SYTL5: variants seen among roughly 807,000 people sequenced by gnomAD.
The protein encoded by SYTL5 is synaptotagmin-like protein 5.
In SYTL5, 34 loss-of-function variants were observed where a neutral mutation model predicts 55.9. The observed-to-expected ratio is 0.61, with a 90% CI of 0.46 to 0.81. SYTL5 has a LOEUF of 0.81. Ranked by LOEUF, SYTL5 falls within the 30% of genes least tolerant of loss-of-function variation. The pLI is 0.00. For missense variants in SYTL5, 637 were observed against 546.7 expected, an observed-to-expected ratio of 1.17 and a Z score of -1.65; for synonymous variants, 221 against 188.7, an observed-to-expected ratio of 1.17 and a Z score of -1.40.
the SYTL5 span, among the ~76,000 whole-genome samples, chrX:37,979,551 A>T: frequency 1.0e-5 from 1 of 96,964 alleles, no homozygotes; most frequent in East Asian, 3.2e-4. Flanking sequence ...TATCTTTCTG[A>T]CTCTGGAATT....
intron 2 of SYTL5, among the ~76,000 whole-genome samples, chrX:38,042,956 T>C (rs945509168): frequency 8.9e-6 from 1 of 112,049 alleles, no homozygotes; most frequent in Admixed American, 9.5e-5. Flanking sequence ...TATAAGAATG[T>C]TCCTATGTTA....
chrX:37,937,106 C>T, the SYTL5 span, among the ~76,000 whole-genome samples: 1 of 109,218 alleles, frequency 9.2e-6, no homozygotes, highest in African/African-American at 3.3e-5. Context: ...TAGAAATTCT[C>T]CCCATGATTC....
chrX:38,123,832 T>C (rs1191645431), intron 15 of SYTL5, among the ~76,000 whole-genome samples: 1 of 112,252 alleles, frequency 8.9e-6, no homozygotes, highest in Non-Finnish European at 1.9e-5. Flanking sequence ...ACTTAAATAT[T>C]AGGCTGATTC....
At chrX:37,989,356 C>G in the SYTL5 span, among the ~76,000 whole-genome samples, 1 of 111,664 alleles carries the variant, frequency 9.0e-6, no homozygotes, top group Non-Finnish European at 1.9e-5. Flanking sequence ...CTGAAAGGGA[C>G]AAATAGAGGA....
At position 38,083,773 on chromosome X, in the gene SYTL5, CATGTGT is replaced by C. The variant is rs1217965132; in HGVS notation, c.690-5672_690-5667del. Among the ~76,000 whole-genome samples, 13 of 40,191 alleles carry C rather than the reference CATGTGT, an allele frequency of 3.2e-4. No homozygotes were observed. The East Asian group carries it at 7.3e-3, about 22-fold the overall frequency. 34.9% of individuals were successfully genotyped at this position (40,191 alleles called of 115,157 possible). On this transcript the variant is annotated intron_variant, in intron 6 of 16. Transcript: ENST00000297875. Reference sequence around the variant, plus strand: ...AAAGAGTTTAGTTTTTAAATAGACTCATGTGTGTGTGTGTGTGTGTGTGTGTGTGTG... The same window carrying C: ...AAAGAGTTTAGTTTTTAAATAGACTCGTGTGTGTGTGTGTGTGTGTGTGTG...
chrX:37,906,660 T>A, the SYTL5 span: 1 of 112,635 alleles, frequency 8.9e-6, no homozygotes, highest in African/African-American at 3.2e-5. Flanking sequence ...TGAATCGAAA[T>A]GTTCCGGAGG....
intron 6 of SYTL5, among the ~76,000 whole-genome samples, chrX:38,078,266 G>GT (rs60191930): frequency 1.9e-3 from 191 of 100,160 alleles, no homozygotes; most frequent in East Asian, 5.6e-3. Context: ...TTTTGTTTTT[G>GT]TTTTTTTTTT....
In SYTL5 at chrX:38,085,615, T is replaced by C. The variant is rs1296850050; in HGVS notation, c.690-3831T>C. Among the ~76,000 whole-genome samples the C allele has an allele frequency of 2.7e-5, 3 of 111,698 alleles. No individual in the cohort carries two copies. The East Asian group carries it at 8.4e-4, about 31-fold the overall frequency. ...AGCTCATAAACCTCAGAGAGAATAT[T>C]TTGCATTGTCTCTGTGTTGTACTGC... On this transcript the variant is annotated intron_variant, in intron 6 of 16. Coordinates refer to ENST00000297875, the MANE Select transcript of SYTL5 (RefSeq NM_138780.3).
chrX:38,058,779 TTTG>T (rs1306476192), intron 3 of SYTL5, among the ~76,000 whole-genome samples: 1 of 111,360 alleles, frequency 9.0e-6, no homozygotes, highest in East Asian at 2.8e-4. Context: ...TCTGATTTTC[TTTG>T]TATTTATCTA....
At chrX:38,122,480 T>C (rs1440806173) in intron 15 of SYTL5, among the ~76,000 whole-genome samples, 1 of 112,605 alleles carries the variant, frequency 8.9e-6, no homozygotes, top group Non-Finnish European at 1.9e-5. Context: ...TTCTGTAAGA[T>C]TCATTTATCG....
intron 2 of SYTL5, among the ~76,000 whole-genome samples, chrX:38,047,195 C>A (rs1464388907): frequency 8.9e-6 from 1 of 112,576 alleles, no homozygotes; most frequent in Non-Finnish European, 1.9e-5. Context: ...AGTAGGGACT[C>A]TGTGTGGGGC....
intron 12 of SYTL5, among the ~76,000 whole-genome samples, chrX:38,109,058 T>A (rs1421704206): frequency 2.7e-5 from 3 of 112,041 alleles, no homozygotes; most frequent in African/African-American, 9.7e-5. Context: ...CACTACTTAA[T>A]GAGTCACTTT....
chrX:37,897,846 C>T, the SYTL5 span, among the ~76,000 whole-genome samples: 128 of 111,887 alleles, frequency 1.1e-3, no homozygotes, highest in African/African-American at 4.1e-3. Context: ...GCCTGTAATC[C>T]TAACACTTTG....
intron 1 of SYTL5, among the ~76,000 whole-genome samples, chrX:38,029,655 C>T (rs973349093): frequency 9.0e-6 from 1 of 111,684 alleles, no homozygotes; most frequent in Non-Finnish European, 1.9e-5. Context: ...GACCTTAAAG[C>T]ATTTAGAAAG....
intron 6 of SYTL5, among the ~76,000 whole-genome samples, chrX:38,084,529 G>A (rs1228556245): frequency 9.0e-6 from 1 of 110,987 alleles, no homozygotes; most frequent in Non-Finnish European, 1.9e-5. Context: ...CACTCTCTTT[G>A]AATAGATAGT....
At chrX:38,045,417 C>A (rs987669245) in intron 2 of SYTL5, among the ~76,000 whole-genome samples, 5 of 112,443 alleles carry the variant, frequency 4.4e-5, no homozygotes, top group African/African-American at 1.6e-4. Context: ...TGTTACTTTT[C>A]AGCATTATTG....
chrX:38,007,734 T>C (rs1934039277), intron 1 of SYTL5, among the ~76,000 whole-genome samples: 1 of 111,636 alleles, frequency 9.0e-6, no homozygotes, highest in East Asian at 2.8e-4. Flanking sequence ...AGCCATTTGT[T>C]TGGACTCTAG....
chrX:38,033,575 G>A lies in SYTL5; in HGVS notation c.-315G>A, dbSNP rs773034517. On this transcript the variant is annotated 5_prime_UTR_variant, in exon 2 of 17. Coordinates refer to ENST00000297875, the MANE Select transcript of SYTL5 (RefSeq NM_138780.3). ...TCCCAGCGGATCTGATTCCTGTTCT[G>A]AAGAATTGAAGTTGAGCATCGTTAG... 15 of 126,003 alleles carry A rather than the reference G, an allele frequency of 1.2e-4. No homozygotes were observed. The highest frequency in any genetic ancestry group is 1.6e-4 in the Non-Finnish European group (10 of 62,502). 10.4% of individuals were successfully genotyped at this position (126,003 alleles called of 1,213,427 possible). A position where few individuals can be genotyped will look rare whatever the true frequency, so the allele number is the denominator to read the frequency against.
At chrX:38,092,684 G>A (rs781139365) in intron 7 of SYTL5, among the ~76,000 whole-genome samples, 1 of 111,249 alleles carries the variant, frequency 9.0e-6, no homozygotes, top group South Asian at 3.9e-4. Context: ...TGACTCCAAT[G>A]TCAGTCTCCT....
Sources: allele counts gnomAD v4.1 joint callset (sites outside exome capture counted in the v4.1 genomes callset), GRCh38; gene constraint gnomAD v4.1.1; transcripts MANE v1.5; gene names NCBI Gene and HGNC (gene_info 2026-07-23, HGNC 2026-07-21).